STPG1: variants seen among roughly 807,000 people sequenced by gnomAD.
STPG1 encodes O(6)-methylguanine-induced apoptosis 2.
Under a neutral mutation model 40.1 loss-of-function variants are expected in STPG1, and 33 were observed. The observed-to-expected ratio is 0.82, with a 90% CI of 0.62 to 1.10. STPG1 has a LOEUF of 1.10. Ranked by LOEUF, STPG1 falls within the 50% of genes least tolerant of loss-of-function variation. The pLI, the probability that STPG1 is intolerant of heterozygous loss-of-function variation, is 0.00. For synonymous variants in STPG1, 150 were observed against 155.0 expected (o/e 0.97, Z 0.24); for missense variants, 396 against 415.1 (o/e 0.95, Z 0.40).
At chr1:24,373,592 C>T in intron 6 of STPG1, 110 bp downstream of exon 6, 10 of 753,320 alleles carry the variant, frequency 1.3e-5, no homozygotes, top group Non-Finnish European at 1.9e-5. Context: ...CTCCTCCCCA[C>T]CCAAAGACTA....
At chr1:24,374,680 A>G (rs1457862146) in intron 5 of STPG1, among the ~76,000 whole-genome samples, 1 of 151,848 alleles carries the variant, frequency 6.6e-6, no homozygotes, top group Non-Finnish European at 1.5e-5. Context: ...GCTGGAGTGC[A>G]GTGATGCCAT....
At chr1:24,398,896 T>G (rs941768186) in intron 2 of STPG1, among the ~76,000 whole-genome samples, 19 of 152,240 alleles carry the variant, frequency 1.2e-4, no homozygotes, top group African/African-American at 4.3e-4. Flanking sequence ...TGTAAAGATG[T>G]AAATTATCCT....
chr1:24,401,204 G>A (rs1390540355), intron 2 of STPG1, 115 bp downstream of exon 2: 9 of 819,114 alleles, frequency 1.1e-5, no homozygotes, highest in Non-Finnish European at 1.8e-5. Context: ...TGGTATGCCT[G>A]TAAGGATGGC....
intron 5 of STPG1, among the ~76,000 whole-genome samples, chr1:24,374,205 G>C (rs1641894004): frequency 6.6e-6 from 1 of 151,320 alleles, no homozygotes; most frequent in Non-Finnish European, 1.5e-5. Flanking sequence ...TTCTGTCAGG[G>C]AGTGGGGGTG....
At chr1:24,378,027 C>A (rs74060327) in intron 5 of STPG1, among the ~76,000 whole-genome samples, 54 of 148,856 alleles carry the variant, frequency 3.6e-4, no homozygotes, top group Non-Finnish European at 6.3e-4. Flanking sequence ...CCTCCTCCTC[C>A]TCATCATTTT....
chr1:24,374,293 C>A (rs1641913738), intron 5 of STPG1, among the ~76,000 whole-genome samples: 1 of 109,196 alleles, frequency 9.2e-6, no homozygotes, highest in Non-Finnish European at 1.7e-5. Context: ...GAGTCTTGCT[C>A]TGTCTCCCAG....
At chr1:24,385,304 G>A (rs919475059) in intron 3 of STPG1, among the ~76,000 whole-genome samples, 4 of 152,328 alleles carry the variant, frequency 2.6e-5, no homozygotes, top group Middle Eastern at 3.4e-3. Context: ...GGGAGGTGAC[G>A]ACAGGGGTGC....
chr1:24,406,270 T>C (rs1216362700), intron 1 of STPG1, among the ~76,000 whole-genome samples: 4 of 152,152 alleles, frequency 2.6e-5, no homozygotes, highest in East Asian at 1.9e-4. Flanking sequence ...AGTCAAACAA[T>C]AGTATGTTAC....
intron 3 of STPG1, among the ~76,000 whole-genome samples, chr1:24,384,628 G>A (rs965926085): frequency 5.3e-5 from 8 of 152,176 alleles, no homozygotes; most frequent in African/African-American, 1.9e-4. Flanking sequence ...TTTCTGCTGC[G>A]GGAGCTCATC....
intron 5 of STPG1, 107 bp downstream of exon 5, chr1:24,379,546 G>T: frequency 7.7e-7 from 1 of 1,292,184 alleles, no homozygotes; most frequent in Non-Finnish European, 1.1e-6. Context: ...ATGCTAACTG[G>T]CTTGACAACT....
intron 7 of STPG1, chr1:24,364,306 G>A (rs1641312519): frequency 6.5e-7 from 1 of 1,549,798 alleles, no homozygotes; most frequent in Non-Finnish European, 8.7e-7. Context: ...GAGGCAGAGG[G>A]ACCTGGATTC....
In STPG1 at chr1:24,383,993, G is replaced by A. The variant is rs781730785; in HGVS notation, c.200C>T (p.Pro67Leu). Residue 67 changes from proline to leucine, a missense_variant, in exon 4 of 9, where the codon CCA (proline) becomes CTA (leucine). Coordinates refer to ENST00000337248, the MANE Select transcript of STPG1 (RefSeq NM_001199013.2). ...AATAACATTGTAGAACCCAGGTCCT[G>A]GGATATCATTCTGAAAGGGAAGAGA... ...KRFPHKKNDI[P>L]GPGFYNVIHQ... is the part of the protein sequence containing the mutation. 3 of 1,610,086 alleles carry A rather than the reference G, an allele frequency of 1.9e-6. No individual in the cohort carries two copies. Among genetic ancestry groups the A allele is most frequent in the Non-Finnish European group, 2.6e-6 (3 of 1,176,312 alleles).
At chr1:24,400,548 G>A (rs547880518) in intron 2 of STPG1, among the ~76,000 whole-genome samples, 1 of 152,192 alleles carries the variant, frequency 6.6e-6, no homozygotes, top group Non-Finnish European at 1.5e-5. Context: ...AAGAAAAAGA[G>A]AGTGCAAAAT....
At chr1:24,394,879 A>G (rs745818730) in intron 2 of STPG1, among the ~76,000 whole-genome samples, 5 of 152,080 alleles carry the variant, frequency 3.3e-5, no homozygotes, top group Non-Finnish European at 5.9e-5. Context: ...AAGAAATATG[A>G]GGAGAGAAGA....
chr1:24,369,619 G>A, intron 7 of STPG1, 55 bp downstream of exon 7: 12 of 1,535,524 alleles, frequency 7.8e-6, no homozygotes, highest in Non-Finnish European at 9.7e-6. Context: ...CTCTATGTTG[G>A]GCTTCTTCCC....
chr1:24,361,072 C>A, intron 7 of STPG1, 31 bp from the exon 8 acceptor site: 1 of 1,566,402 alleles, frequency 6.4e-7, no homozygotes, highest in Non-Finnish European at 8.7e-7. Context: ...GAAGATGTCA[C>A]TAAGGCAGTC....
At chr1:24,370,152 A>T (rs1433282883) in intron 6 of STPG1, among the ~76,000 whole-genome samples, 2 of 152,202 alleles carry the variant, frequency 1.3e-5, no homozygotes, top group African/African-American at 4.8e-5. Context: ...TCATCTAACC[A>T]GGGACTTAGA....
chr1:24,392,760 G>A (rs182523072), intron 2 of STPG1, among the ~76,000 whole-genome samples: 1 of 152,010 alleles, frequency 6.6e-6, no homozygotes, highest in South Asian at 2.1e-4. Context: ...TGGGTGGGGG[G>A]GTGCATCCTG....
Position 24,358,452 on chromosome 1 carries a change from C to T in STPG1, c.*91G>A, listed in dbSNP as rs746083290. ...ACCCCCCAAGTTGTCAGCTGCCACA[C>T]TCATGATCGGTCTCCTCCTGAGGAA... On this transcript the variant is annotated 3_prime_UTR_variant, in exon 9 of 9. Coordinates refer to ENST00000337248, the MANE Select transcript of STPG1 (RefSeq NM_001199013.2). 7.1e-6 allele frequency: 8 copies of T among 1,123,214 alleles called. No individual in the cohort carries two copies. Among genetic ancestry groups the T allele is most frequent in the Middle Eastern group, 2.0e-4 (1 of 5,048 alleles). 69.6% of individuals were successfully genotyped at this position (1,123,214 alleles called of 1,614,324 possible).
Sources: allele counts gnomAD v4.1 joint callset (sites outside exome capture counted in the v4.1 genomes callset), GRCh38; gene constraint gnomAD v4.1.1; transcripts MANE v1.5; gene names NCBI Gene and HGNC (gene_info 2026-07-23, HGNC 2026-07-21).